Variants in SORBS2 observed in about 807,000 individuals in gnomAD.
SORBS2 encodes sorbin and SH3 domain-containing protein 2.
SORBS2 carries 46 observed loss-of-function variants against 97.7 expected under a neutral mutation model. The ratio of observed to expected loss-of-function variants is 0.47; its 90% CI spans 0.37 to 0.60. SORBS2 has a LOEUF of 0.60. Among genes scored for constraint, SORBS2 ranks in the 20% least tolerant of loss-of-function variants. The pLI, the probability that SORBS2 is intolerant of heterozygous loss-of-function variation, is 0.00. For synonymous variants in SORBS2, 476 were observed against 473.4 expected (o/e 1.01, Z -0.07); for missense variants, 1,316 against 1,282.3 (o/e 1.03, Z -0.40).
intron 1 of SORBS2, among the ~76,000 whole-genome samples, chr4:185,939,305 C>A (rs895390713): frequency 2.0e-5 from 3 of 152,140 alleles, no homozygotes. Flanking sequence ...TTCTTCCGTG[C>A]AATTGTTCCT....
intron 1 of SORBS2, among the ~76,000 whole-genome samples, chr4:185,903,595 T>C (rs2099248940): frequency 6.6e-6 from 1 of 152,174 alleles, no homozygotes; most frequent in Non-Finnish European, 1.5e-5. Context: ...CCGCCAGATA[T>C]GTTTTTTTGG....
chr4:185,597,669 T>C (rs1054895427), intron 12 of SORBS2, among the ~76,000 whole-genome samples: 1 of 152,194 alleles, frequency 6.6e-6, no homozygotes, highest in Non-Finnish European at 1.5e-5. Flanking sequence ...TATAAGGTGA[T>C]GTAAATAGAT....
intron 2 of SORBS2, among the ~76,000 whole-genome samples, chr4:185,725,497 T>A (rs2098548987): frequency 6.6e-6 from 1 of 152,200 alleles, no homozygotes; most frequent in South Asian, 2.1e-4. Context: ...CTCTCTGAGT[T>A]TCAATTTCCT....
At position 185,623,725 on chromosome 4, in the gene SORBS2, G is replaced by A. The variant is rs61910743; in HGVS notation, c.1404C>T (p.Pro468=). Residue 468 remains proline (P), a synonymous_variant, in exon 7 of 15, where the codon CCC becomes CCT. Transcript: ENST00000418609. This position sits in a 1 kb window ranked among gnomAD's most constrained non-coding sequence, Gnocchi z 6.4. Reference sequence around the variant, plus strand: ...ACTGGCAGCCTCGCCGGCCCCGAGCGGGGGGGCCGCTTTGATTTTCTTCCT... The same window carrying A: ...ACTGGCAGCCTCGCCGGCCCCGAGCAGGGGGGCCGCTTTGATTTTCTTCCT... 4.3e-6 allele frequency: 7 copies of A among 1,613,664 alleles called. No individual in the cohort carries two copies. The highest frequency in any genetic ancestry group is 1.3e-5 in the African/African-American group (1 of 74,886).
At chr4:185,774,434 T>C (rs1029839915) in intron 2 of SORBS2, 2 of 152,234 alleles carry the variant, frequency 1.3e-5, no homozygotes, top group African/African-American at 4.8e-5. Flanking sequence ...AAAAGGAGAC[T>C]TTTTACTGAG....
At chr4:185,711,448 A>T (rs542023684) in intron 2 of SORBS2, among the ~76,000 whole-genome samples, 1 of 152,230 alleles carries the variant, frequency 6.6e-6, no homozygotes, top group Non-Finnish European at 1.5e-5. Flanking sequence ...AGAAATGTAT[A>T]GGTCTAACCA....
chr4:185,697,216 T>C (rs1324658499), intron 2 of SORBS2, among the ~76,000 whole-genome samples: 2 of 152,326 alleles, frequency 1.3e-5, no homozygotes, highest in East Asian at 3.9e-4. Context: ...ATTTCAAATA[T>C]TTTGAAGCAG....
intron 1 of SORBS2, among the ~76,000 whole-genome samples, chr4:185,921,388 G>A (rs1366182242): frequency 2.6e-5 from 4 of 152,240 alleles, no homozygotes; most frequent in African/African-American, 7.2e-5. Context: ...ACCATCTCCC[G>A]ATAATGAGTT....
chr4:185,623,872 C>G lies in SORBS2; in HGVS notation c.1257G>C (p.Lys419Asn), dbSNP rs755202018. Residue 419 changes from lysine (K) to asparagine (N), a missense_variant, in exon 7 of 15, where the codon AAG (lysine) becomes AAC (asparagine). Coordinates refer to ENST00000418609, the Ensembl canonical transcript of SORBS2. This position sits in a 1 kb window ranked among gnomAD's most constrained non-coding sequence, Gnocchi z 6.4. ...GCATGGATTTGGACTTCTGGATCAGCTTTTCGAATTCGGAGATGCGTGTGG... is the reference window on the plus strand; with the variant it reads ...GCATGGATTTGGACTTCTGGATCAGGTTTTCGAATTCGGAGATGCGTGTGG... The G allele has an allele frequency of 2.5e-6, 4 of 1,614,196 alleles. No homozygotes were observed. Among genetic ancestry groups the G allele is most frequent in the South Asian group, 1.1e-5 (1 of 91,080 alleles).
intron 11 of SORBS2, among the ~76,000 whole-genome samples, chr4:185,613,260 C>T (rs1010234044): frequency 6.6e-6 from 1 of 152,194 alleles, no homozygotes; most frequent in Admixed American, 6.5e-5. Flanking sequence ...AGAAGAACTT[C>T]GACCTTGAGT....
chr4:185,613,155 T>C (rs1037741230), intron 11 of SORBS2, among the ~76,000 whole-genome samples: 3 of 152,200 alleles, frequency 2.0e-5, no homozygotes, highest in Non-Finnish European at 4.4e-5. Flanking sequence ...CAGCAGGTGA[T>C]ACAGAAGCTC....
intron 4 of SORBS2, among the ~76,000 whole-genome samples, chr4:185,636,186 A>C (rs1186865735): frequency 6.6e-6 from 1 of 152,046 alleles, no homozygotes; most frequent in Non-Finnish European, 1.5e-5. Context: ...AACCAACAGC[A>C]ACAATACATA....
At chr4:185,696,042 C>A (rs2098170662) in intron 2 of SORBS2, among the ~76,000 whole-genome samples, 1 of 152,138 alleles carries the variant, frequency 6.6e-6, no homozygotes, top group Admixed American at 6.5e-5. Context: ...TTACCCGCGG[C>A]ATCTATTTAT....
intron 14 of SORBS2, 161 bp from the exon 27 acceptor site, chr4:185,587,849 T>G (rs1197165915): frequency 6.6e-6 from 4 of 609,090 alleles, no homozygotes; most frequent in African/African-American, 1.9e-5. Flanking sequence ...GCAGACAAAA[T>G]AAGCAGTGTT....
At chr4:185,611,322 G>A (rs2096534402) in intron 12 of SORBS2, among the ~76,000 whole-genome samples, 1 of 151,528 alleles carries the variant, frequency 6.6e-6, no homozygotes, top group Non-Finnish European at 1.5e-5. Context: ...TTTGTGTTGT[G>A]TATATTTATA....
chr4:185,722,802 T>C (rs2098526034), intron 2 of SORBS2, among the ~76,000 whole-genome samples: 2 of 152,212 alleles, frequency 1.3e-5, no homozygotes, highest in Admixed American at 6.5e-5. Flanking sequence ...ACACTTTTAA[T>C]GTCACCCAAA....
intron 1 of SORBS2, among the ~76,000 whole-genome samples, chr4:185,818,314 C>A (rs1025650566): frequency 6.6e-6 from 1 of 152,010 alleles, no homozygotes; most frequent in East Asian, 2.0e-4. Flanking sequence ...CTCAGCCTCC[C>A]GAGTAGCTGG....
At chr4:185,680,856 G>A (rs1470776427) in intron 2 of SORBS2, among the ~76,000 whole-genome samples, 3 of 152,058 alleles carry the variant, frequency 2.0e-5, no homozygotes, top group Non-Finnish European at 4.4e-5. Context: ...TCACCGTGTT[G>A]AAGATGAGGA....
In SORBS2 at chr4:185,694,497, T is replaced by C. The variant is rs146701883; in HGVS notation, c.-197-15675A>G. ...TGTGTTTACTTTTGTCAAAGTTTCATATAAAAAGCAACTTCATATGTGTCC... is the reference window on the plus strand; with the variant it reads ...TGTGTTTACTTTTGTCAAAGTTTCACATAAAAAGCAACTTCATATGTGTCC... On this transcript the variant is annotated intron_variant, in intron 2 of 20. Coordinates refer to the SORBS2 transcript ENST00000284776. 3.1e-3 allele frequency among the ~76,000 whole-genome samples: 475 copies of C among 152,294 alleles called. 1 individual carries two copies. The highest frequency in any genetic ancestry group is 0.011 in the African/African-American group (445 of 41,560).
Sources: allele counts gnomAD v4.1 joint callset (sites outside exome capture counted in the v4.1 genomes callset), GRCh38; gene constraint gnomAD v4.1.1; non-coding constraint Gnocchi (gnomAD v3.1); transcripts MANE v1.5; gene names NCBI Gene and HGNC (gene_info 2026-07-23, HGNC 2026-07-21).